MAPK10: variants seen among roughly 807,000 people sequenced by gnomAD.
The protein encoded by MAPK10 is mitogen-activated protein kinase 10.
In MAPK10, 25 loss-of-function variants were observed where a neutral mutation model predicts 59.3. The ratio of observed to expected loss-of-function variants is 0.42; its 90% confidence interval spans 0.31 to 0.59. The LOEUF (loss-of-function observed/expected upper bound fraction) is 0.59. Among genes scored for constraint, MAPK10 ranks in the 20% least tolerant of loss-of-function variants. The probability of loss-of-function intolerance (pLI) is 0.15; values close to 1 mark genes in which losing one functional copy is unlikely to be tolerated. For synonymous variants in MAPK10, 190 were observed against 200.5 expected, an observed-to-expected ratio of 0.95 and a Z score of 0.44; for missense variants, 351 against 568.9, an observed-to-expected ratio of 0.62 and a Z score of 3.90.
At chr4:86,455,608 C>G (rs1276916075), upstream of MAPK10, among the ~76,000 whole-genome samples, 1 of 152,126 alleles carries the variant, frequency 6.6e-6, no homozygotes, top group Non-Finnish European at 1.5e-5. Context: ...GAAAATATCA[C>G]AACCCTAAAT....
intron 1 of MAPK10, among the ~76,000 whole-genome samples, chr4:86,394,098 C>T (rs1028014044): frequency 4.6e-5 from 7 of 151,962 alleles, no homozygotes; most frequent in Admixed American, 1.3e-4. Flanking sequence ...TAGTGAAACC[C>T]CATCTTTACT....
At chr4:86,058,467 G>T (rs1440212340) in intron 11 of MAPK10, among the ~76,000 whole-genome samples, 1 of 149,276 alleles carries the variant, frequency 6.7e-6, no homozygotes, top group African/African-American at 2.5e-5. Context: ...ATCACCAGGA[G>T]ACAGAGGGGA....
chr4:86,228,537 T>C (rs1447579175), intron 2 of MAPK10, among the ~76,000 whole-genome samples: 1 of 152,226 alleles, frequency 6.6e-6, no homozygotes, highest in African/African-American at 2.4e-5. Flanking sequence ...CAAATTCATC[T>C]CAGAAGCCTT....
intron 2 of MAPK10, among the ~76,000 whole-genome samples, chr4:86,310,314 A>T (rs2095644846): frequency 6.6e-6 from 1 of 152,160 alleles, no homozygotes; most frequent in Non-Finnish European, 1.5e-5. Flanking sequence ...AATCTTGGCA[A>T]AATAAACTTT....
chr4:86,084,715 C>T (rs1183301265), intron 9 of MAPK10, among the ~76,000 whole-genome samples: 10 of 144,616 alleles, frequency 6.9e-5, no homozygotes, highest in East Asian at 5.8e-4. Context: ...TATCAAAATA[C>T]GAATGGTGTT....
intron 2 of MAPK10, among the ~76,000 whole-genome samples, chr4:86,211,152 G>A (rs1485045529): frequency 6.6e-6 from 1 of 151,822 alleles, no homozygotes; most frequent in Non-Finnish European, 1.5e-5. Flanking sequence ...GAGAGAGAGA[G>A]GGGTAGAAAG....
At chr4:86,480,476 T>C (rs894847219) in intron 1 of MAPK10, among the ~76,000 whole-genome samples, 2 of 152,198 alleles carry the variant, frequency 1.3e-5, no homozygotes, top group Non-Finnish European at 2.9e-5. Flanking sequence ...GCTTTATTGC[T>C]CACACAAAGC....
chr4:86,225,753 A>T (rs1223558448), intron 2 of MAPK10, among the ~76,000 whole-genome samples: 1 of 152,176 alleles, frequency 6.6e-6, no homozygotes, highest in Non-Finnish European at 1.5e-5. Flanking sequence ...CATATTAATT[A>T]CCTAGATGCA....
intron 1 of MAPK10, among the ~76,000 whole-genome samples, chr4:86,436,683 G>T (rs1307069131): frequency 2.0e-5 from 3 of 152,096 alleles, no homozygotes; most frequent in Non-Finnish European, 2.9e-5. Context: ...TATGTATCCA[G>T]TCATGTCACT....
chr4:86,314,084 A>G (rs1437532331), intron 2 of MAPK10, among the ~76,000 whole-genome samples: 1 of 152,152 alleles, frequency 6.6e-6, no homozygotes, highest in Non-Finnish European at 1.5e-5. Context: ...AGAAACAAAA[A>G]CAGTATTTAC....
intron 1 of MAPK10, among the ~76,000 whole-genome samples, chr4:86,435,158 A>G (rs1748548915): frequency 6.6e-6 from 1 of 152,164 alleles, no homozygotes; most frequent in Non-Finnish European, 1.5e-5. Flanking sequence ...AAGGGAAAAA[A>G]AGAATATAAA....
chr4:86,034,625 C>A (rs141758535), intron 11 of MAPK10, among the ~76,000 whole-genome samples: 1 of 151,988 alleles, frequency 6.6e-6, no homozygotes, highest in Admixed American at 6.6e-5. Flanking sequence ...GACTGCTGAC[C>A]ACAAGGAGTT....
rs543675551 is a variant in MAPK10, at chr4:86,279,815, G to A, written c.-7+74715C>T. 7.2e-4 allele frequency among the ~76,000 whole-genome samples: 109 copies of A among 152,206 alleles called. 1 individual carries two copies. The Middle Eastern group carries it at 0.01, about 14-fold the overall frequency. On this transcript the variant is annotated intron_variant, in intron 2 of 13. Transcript: ENST00000641462. ...CTCCAGCATTCTAGCCACACTCCCCGCAAGTGGAAATCAGGCTGTGAGCTT... is the reference window on the plus strand; with the variant it reads ...CTCCAGCATTCTAGCCACACTCCCCACAAGTGGAAATCAGGCTGTGAGCTT...
At chr4:86,470,652 T>C (rs1023512996) in intron 1 of MAPK10, among the ~76,000 whole-genome samples, 1 of 152,190 alleles carries the variant, frequency 6.6e-6, no homozygotes, top group Non-Finnish European at 1.5e-5. Context: ...GTTTTTTCAT[T>C]CTATATCTTG....
chr4:86,464,640 C>T lies in MAPK10; in HGVS notation c.-262-109996G>A, dbSNP rs779573990. Among the ~76,000 whole-genome samples the T allele has an allele frequency of 1.1e-3, 163 of 152,030 alleles. 1 individual carries two copies. Among genetic ancestry groups the T allele is most frequent in the Non-Finnish European group, 1.7e-3 (113 of 67,994 alleles). On this transcript the variant is annotated intron_variant, in intron 1 of 4. Transcript: ENST00000502302. ...ATCAAGACCATCCTGGCTAACACGG[C>T]GAAACCCCGTCTCTACTAAAGTACA...
At chr4:86,447,739 A>ATAC (rs1750207460) in intron 1 of MAPK10, among the ~76,000 whole-genome samples, 1 of 152,212 alleles carries the variant, frequency 6.6e-6, no homozygotes, top group Non-Finnish European at 1.5e-5. Context: ...CAATGGTAAT[A>ATAC]TACTACACTA....
chr4:86,338,182 C>T (rs139622544), intron 2 of MAPK10, among the ~76,000 whole-genome samples: 1,971 of 152,230 alleles, frequency 0.013, 8 homozygotes, highest in Non-Finnish European at 0.015. Flanking sequence ...CCCGGCCAGA[C>T]GCAGGTTTTT....
At chr4:86,222,806 T>C (rs1484104538) in intron 2 of MAPK10, among the ~76,000 whole-genome samples, 1 of 152,176 alleles carries the variant, frequency 6.6e-6, no homozygotes, top group Non-Finnish European at 1.5e-5. Context: ...GAAGGCAACT[T>C]CTAAACTTCA....
intron 1 of MAPK10, among the ~76,000 whole-genome samples, chr4:86,476,278 C>T (rs960061206): frequency 1.3e-5 from 2 of 152,246 alleles, no homozygotes; most frequent in East Asian, 1.9e-4. Context: ...TCTGCTCCCC[C>T]ACCCTATAAT....
Sources: gnomAD v4.1 joint callset for allele counts (sites outside exome capture counted in the v4.1 genomes callset) on GRCh38, gnomAD v4.1.1 for gene constraint, MANE v1.5 for transcripts, NCBI Gene and HGNC (gene_info 2026-07-23, HGNC 2026-07-21) for gene names.